LRRC1: variants seen among roughly 807,000 people sequenced by gnomAD.
LRRC1 encodes leucine-rich repeat-containing protein 1.
LRRC1 carries 28 observed loss-of-function variants against 69.9 expected under a neutral mutation model. The observed-to-expected ratio is 0.40, with a 90% CI of 0.30 to 0.55. LRRC1 has a LOEUF of 0.55. LRRC1 is among the 20% of genes least tolerant of loss of function. The pLI is 0.47. For missense variants in LRRC1, 498 were observed against 609.0 expected (o/e 0.82, Z 1.92); for synonymous variants, 236 against 240.2 (o/e 0.98, Z 0.16).
At chr6:53,858,584 T>C (rs1196781342) in intron 2 of LRRC1, among the ~76,000 whole-genome samples, 3 of 152,234 alleles carry the variant, frequency 2.0e-5, no homozygotes, top group Non-Finnish European at 4.4e-5. Context: ...AATGAAAGAA[T>C]GAGTGAATGG....
chr6:53,913,867 G>T lies in LRRC1; in HGVS notation c.1004G>T (p.Cys335Phe). ...TTCTCACCATAGATCGGCGGGTGCT[G>T]CAGCCTCACTGTGTTCTGTGTACGT... ...VSLPKEIGGC[C>F]SLTVFCVRDN... is the part of the protein sequence containing the mutation. The change falls in exon 11 of 14, where the codon TGC becomes TTC. Residue 335 changes from cysteine (C) to phenylalanine (F), a missense_variant. By Grantham distance (205) the Cys-to-Phe change is radical. Transcript: ENST00000370888. 6.3e-7 allele frequency: 1 copy of T among 1,595,550 alleles called. No individual in the cohort carries two copies. Among genetic ancestry groups the T allele is most frequent in the Non-Finnish European group, 8.6e-7 (1 of 1,167,668 alleles).
chr6:53,860,099 A>G (rs1766447126), intron 2 of LRRC1, among the ~76,000 whole-genome samples: 1 of 152,198 alleles, frequency 6.6e-6, no homozygotes, highest in African/African-American at 2.4e-5. Flanking sequence ...ATCCCACAGT[A>G]TATCATTTTC....
intron 4 of LRRC1, among the ~76,000 whole-genome samples, chr6:53,885,253 A>G (rs1006753303): frequency 1.3e-5 from 2 of 152,212 alleles, no homozygotes; most frequent in African/African-American, 2.4e-5. Flanking sequence ...GAAATCTCAT[A>G]TATGCATAAG....
chr6:53,833,470 G>C (rs899791557), intron 1 of LRRC1, among the ~76,000 whole-genome samples: 7 of 152,166 alleles, frequency 4.6e-5, no homozygotes, highest in Admixed American at 2.0e-4. Flanking sequence ...GAGGATAAAG[G>C]TATTAGGGGA....
At chr6:53,848,906 T>C (rs1766034557) in intron 2 of LRRC1, among the ~76,000 whole-genome samples, 1 of 151,902 alleles carries the variant, frequency 6.6e-6, no homozygotes, top group Non-Finnish European at 1.5e-5. Context: ...TACAGGCGTG[T>C]GCCACCAAGC....
chr6:53,802,621 T>C (rs951385480), intron 1 of LRRC1, among the ~76,000 whole-genome samples: 9 of 152,204 alleles, frequency 5.9e-5, no homozygotes, highest in African/African-American at 2.2e-4. Flanking sequence ...AGTTTGCTTA[T>C]TTTTGGTTTT....
chr6:53,838,058 G>A (rs1324814629), intron 1 of LRRC1, among the ~76,000 whole-genome samples: 1 of 152,130 alleles, frequency 6.6e-6, no homozygotes, highest in Non-Finnish European at 1.5e-5. Flanking sequence ...TGTTTTTCAT[G>A]GGCTCTGGCT....
At chr6:53,813,539 TTTTTTTTTTTC>T (rs201203428) in intron 1 of LRRC1, among the ~76,000 whole-genome samples, 2,367 of 149,510 alleles carry the variant, frequency 0.016, 86 homozygotes, top group African/African-American at 0.056. Context: ...CTCAGTGGTT[TTTTTTTTTTTC>T]TTTTTTTTTC....
chr6:53,819,030 C>T (rs535614773), intron 1 of LRRC1, among the ~76,000 whole-genome samples: 1 of 152,198 alleles, frequency 6.6e-6, no homozygotes, highest in South Asian at 2.1e-4. Flanking sequence ...GGCTGAGAGA[C>T]TGGAGAGGCA....
rs1764249807 is a variant in LRRC1 at position 53,795,170 on chromosome 6, C to T, written c.-87C>T. On this transcript the variant is annotated 5_prime_UTR_variant, in exon 1 of 14. Coordinates refer to ENST00000370888, the MANE Select transcript of LRRC1 (RefSeq NM_018214.5). Reference sequence around the variant, plus strand: ...CCAACAACGAGCGCGGAGAGGGCAGCGGACTGAGCGGAGCCGCCGGCCAGA... The same window carrying T: ...CCAACAACGAGCGCGGAGAGGGCAGTGGACTGAGCGGAGCCGCCGGCCAGA... 7 of 1,208,506 alleles carry T rather than the reference C, an allele frequency of 5.8e-6. No homozygotes were observed. The highest frequency in any genetic ancestry group is 3.1e-5 in the African/African-American group (2 of 65,106). The allele number at this position is 1,208,506 out of a possible 1,614,324, so 74.9% of individuals were successfully genotyped here. A position where few individuals can be genotyped will look rare whatever the true frequency, so the allele number is the denominator to read the frequency against.
chr6:53,810,858 C>T (rs1329780866), intron 1 of LRRC1, among the ~76,000 whole-genome samples: 1 of 152,176 alleles, frequency 6.6e-6, no homozygotes, highest in East Asian at 1.9e-4. Context: ...TCTCCAATGT[C>T]AGTGCCGCCT....
Position 53,902,662 on chromosome 6 carries a change from A to G in LRRC1, c.821A>G (p.Asp274Gly). ...AAGAAACTGTCAATCTTGAAGGTGGATCAGAATAGACTCACACAGTTGCCT... is the reference window on the plus strand; with the variant it reads ...AAGAAACTGTCAATCTTGAAGGTGGGTCAGAATAGACTCACACAGTTGCCT... ...KLKKLSILKVDQNRLTQLPEA... is the reference protein window; with the variant it reads ...KLKKLSILKVGQNRLTQLPEA... The change falls in exon 9 of 14, where the codon GAT (aspartate) becomes GGT (glycine). Residue 274 changes from aspartate to glycine, a missense_variant. This residue lies in a region of LRRC1 where 266 missense variants were observed against 383.9 expected (regional missense o/e 0.69). Transcript: ENST00000370888. The G allele has an allele frequency of 1.9e-6, 3 of 1,610,136 alleles. No homozygotes were observed. The highest frequency in any genetic ancestry group is 2.5e-6 in the Non-Finnish European group (3 of 1,178,284).
intron 2 of LRRC1, among the ~76,000 whole-genome samples, chr6:53,860,310 G>A (rs1766452951): frequency 6.6e-6 from 1 of 152,168 alleles, no homozygotes; most frequent in South Asian, 2.1e-4. Context: ...ATGCTTCATT[G>A]ATGAATACTT....
At chr6:53,881,984 T>C (rs960972991) in intron 3 of LRRC1, among the ~76,000 whole-genome samples, 26 of 152,236 alleles carry the variant, frequency 1.7e-4, no homozygotes, top group African/African-American at 6.3e-4. Context: ...AATATCCCTT[T>C]GTGTAGAACA....
rs552626784 is a variant in LRRC1 at position 53,908,654 on chromosome 6, C to T, written c.990+4192C>T. On this transcript the variant is annotated intron_variant, in intron 10 of 13. Coordinates refer to ENST00000370888, the MANE Select transcript of LRRC1 (RefSeq NM_018214.5). ...TTGATGGATTGTCTACAGGAAAATTCGATTTCTGATCTTCAAGAAGGTAAA... is the reference window on the plus strand; with the variant it reads ...TTGATGGATTGTCTACAGGAAAATTTGATTTCTGATCTTCAAGAAGGTAAA... 2.6e-4 allele frequency among the ~76,000 whole-genome samples: 40 copies of T among 152,144 alleles called. No homozygotes were observed. The South Asian group carries it at 7.3e-3, about 28-fold the overall frequency.
chr6:53,870,772 C>CT (rs1236081871), intron 2 of LRRC1, among the ~76,000 whole-genome samples: 1 of 152,094 alleles, frequency 6.6e-6, no homozygotes, highest in African/African-American at 2.4e-5. Flanking sequence ...TACCTGTCAA[C>CT]TTTTTTCCCA....
Sources: allele counts gnomAD v4.1 joint callset (sites outside exome capture counted in the v4.1 genomes callset), GRCh38; gene constraint gnomAD v4.1.1; regional missense constraint gnomAD v4.1.1; transcripts MANE v1.5; gene names NCBI Gene and HGNC (gene_info 2026-07-23, HGNC 2026-07-21).